Variants in TTC7B observed in about 807,000 individuals in gnomAD.
The protein encoded by TTC7B is tetratricopeptide repeat domain 7B, also known as tetratricopeptide repeat protein 7B.
A neutral mutation model predicts 106.8 loss-of-function variants in TTC7B; 28 were observed. The observed-to-expected ratio is 0.26, with a 90% CI of 0.19 to 0.36. The LOEUF (loss-of-function observed/expected upper bound fraction) is 0.36. Ranked by LOEUF, TTC7B falls within the 10% of genes least tolerant of loss-of-function variation. The probability of loss-of-function intolerance (pLI) is 1.00; values close to 1 mark genes in which losing one functional copy is unlikely to be tolerated. For missense variants in TTC7B, 862 were observed against 1,076.4 expected, an observed-to-expected ratio of 0.80 and a Z score of 2.79; for synonymous variants, 405 against 430.6, an observed-to-expected ratio of 0.94 and a Z score of 0.74.
chr14:90,681,584 A>G (rs1887050144), intron 7 of TTC7B, among the ~76,000 whole-genome samples: 1 of 152,184 alleles, frequency 6.6e-6, no homozygotes, highest in Non-Finnish European at 1.5e-5. Context: ...AAAGAGCAAG[A>G]CAGGAGGAAT....
intron 15 of TTC7B, among the ~76,000 whole-genome samples, chr14:90,628,841 A>T (rs757817706): frequency 1.3e-5 from 2 of 152,222 alleles, no homozygotes; most frequent in African/African-American, 4.8e-5. Context: ...TTGGTTTCGC[A>T]TGGCTTGATT....
intron 1 of TTC7B, among the ~76,000 whole-genome samples, chr14:90,801,171 G>A (rs1449027101): frequency 7.0e-6 from 1 of 142,282 alleles, no homozygotes; most frequent in African/African-American, 2.6e-5. Context: ...GCTGTAGTGA[G>A]CCATGATCAC....
At chr14:90,705,581 C>T (rs556804917) in intron 5 of TTC7B, among the ~76,000 whole-genome samples, 102 of 152,128 alleles carry the variant, frequency 6.7e-4, no homozygotes, top group African/African-American at 2.2e-3. Flanking sequence ...ATATAGATAC[C>T]GAAAGCCATA....
At chr14:90,603,294 G>T in intron 17 of TTC7B, 1 of 1,289,786 alleles carries the variant, frequency 7.8e-7, no homozygotes, top group South Asian at 1.2e-5. Context: ...GTATGCTTCT[G>T]GAGAGTTGCC....
chr14:90,664,173 C>T (rs1326063740), intron 9 of TTC7B, among the ~76,000 whole-genome samples: 1 of 152,142 alleles, frequency 6.6e-6, no homozygotes, highest in Non-Finnish European at 1.5e-5. Context: ...TTTTAAGAAC[C>T]CTACCGTATG....
intron 3 of TTC7B, among the ~76,000 whole-genome samples, chr14:90,752,940 C>T (rs1890179487): frequency 6.6e-6 from 1 of 152,218 alleles, no homozygotes; most frequent in African/African-American, 2.4e-5. Flanking sequence ...GATTTTCTTT[C>T]CTACCAAGAA....
intron 17 of TTC7B, among the ~76,000 whole-genome samples, chr14:90,604,063 T>C (rs1178325980): frequency 6.6e-6 from 1 of 152,162 alleles, no homozygotes. Flanking sequence ...GTGCCTCCCC[T>C]GAAGAGTCAG....
At chr14:90,777,976 CAG>C (rs1411374248) in intron 3 of TTC7B, among the ~76,000 whole-genome samples, 3 of 152,190 alleles carry the variant, frequency 2.0e-5, no homozygotes, top group Non-Finnish European at 4.4e-5. Flanking sequence ...GGCGGGGAAA[CAG>C]GGGCAGAGAG....
At chr14:90,782,726 G>A (rs187884995) in intron 2 of TTC7B, among the ~76,000 whole-genome samples, 3 of 152,268 alleles carry the variant, frequency 2.0e-5, no homozygotes, top group Admixed American at 2.0e-4. Context: ...TAGCCTCTAA[G>A]AACCGTTGGA....
chr14:90,565,449 T>C (rs561225902), intron 19 of TTC7B, among the ~76,000 whole-genome samples: 2 of 142,688 alleles, frequency 1.4e-5, no homozygotes, highest in African/African-American at 2.6e-5. Flanking sequence ...GTTGCCAGGC[T>C]AGAGTGCTGT....
intron 19 of TTC7B, among the ~76,000 whole-genome samples, chr14:90,562,521 T>A (rs1375902017): frequency 1.3e-5 from 2 of 152,210 alleles, no homozygotes; most frequent in African/African-American, 4.8e-5. Context: ...CTTGAAAAAG[T>A]TCCAACCTGC....
chr14:90,566,666 C>T (rs1348870055), intron 19 of TTC7B, among the ~76,000 whole-genome samples: 1 of 152,190 alleles, frequency 6.6e-6, no homozygotes, highest in African/African-American at 2.4e-5. Context: ...GATCACGTGT[C>T]GTTCATCAGT....
intron 18 of TTC7B, among the ~76,000 whole-genome samples, chr14:90,592,483 C>T (rs1447888559): frequency 5.9e-5 from 9 of 152,216 alleles, no homozygotes; most frequent in South Asian, 4.1e-4. Context: ...CCAAGGTGGA[C>T]GGATCACCTG....
intron 17 of TTC7B, among the ~76,000 whole-genome samples, chr14:90,597,941 A>G (rs572028797): frequency 1.4e-4 from 21 of 152,354 alleles, no homozygotes; most frequent in African/African-American, 5.0e-4. Context: ...AATATAGGAC[A>G]TATTTCCAAT....
In TTC7B at chr14:90,530,884, G is replaced by A. The variant is rs945026996; in HGVS notation, c.*10484C>T. On this transcript the variant is annotated 3_prime_UTR_variant, in exon 20 of 20. Transcript: ENST00000328459. Reference sequence around the variant, plus strand: ...AGTGTATACTGCTCGGGTGATGGGTGCACCAAAATCTCACAAATCACCACT... The same window carrying A: ...AGTGTATACTGCTCGGGTGATGGGTACACCAAAATCTCACAAATCACCACT... 5.3e-5 allele frequency: 8 copies of A among 152,126 alleles called. No individual in the cohort carries two copies. In the East Asian group the frequency reaches 1.3e-3, roughly 26 times the overall value. 9.4% of individuals were successfully genotyped at this position (152,126 alleles called of 1,614,324 possible).
intron 16 of TTC7B, among the ~76,000 whole-genome samples, chr14:90,617,330 C>T (rs1450815236): frequency 6.6e-6 from 1 of 152,228 alleles, no homozygotes; most frequent in Admixed American, 6.5e-5. Flanking sequence ...ATCATTTCAG[C>T]ATTCCTGCCT....
intron 7 of TTC7B, among the ~76,000 whole-genome samples, chr14:90,682,831 G>A (rs550147153): frequency 1.3e-5 from 2 of 152,346 alleles, no homozygotes; most frequent in East Asian, 3.9e-4. Context: ...CTGAGAATGG[G>A]AGGGTGCGTC....
At chr14:90,743,497 T>C (rs1172725071) in intron 4 of TTC7B, among the ~76,000 whole-genome samples, 3 of 152,140 alleles carry the variant, frequency 2.0e-5, no homozygotes, top group Admixed American at 6.6e-5. Context: ...AGACCTCCAA[T>C]CATTTTCAAA....
chr14:90,595,367 T>A (rs1892160747), intron 17 of TTC7B, among the ~76,000 whole-genome samples: 2 of 151,784 alleles, frequency 1.3e-5, no homozygotes, highest in Non-Finnish European at 2.9e-5. Flanking sequence ...AAATAAATAA[T>A]TAAAAAAGAG....
Sources: allele counts gnomAD v4.1 joint callset (sites outside exome capture counted in the v4.1 genomes callset), GRCh38; gene constraint gnomAD v4.1.1; transcripts MANE v1.5; gene names NCBI Gene and HGNC (gene_info 2026-07-23, HGNC 2026-07-21).